LPP: variants seen among roughly 807,000 people sequenced by gnomAD.
LPP encodes the protein lipoma-preferred partner.
LPP carries 38 observed loss-of-function variants against 60.4 expected under a neutral mutation model. The ratio of observed to expected loss-of-function variants is 0.63; its 90% CI spans 0.49 to 0.83. The LOEUF is 0.83. Among genes scored for constraint, LPP ranks in the 40% least tolerant of loss-of-function variants. LPP has a pLI of 0.00. For missense variants in LPP, 902 were observed against 783.6 expected (o/e 1.15, Z -1.80); for synonymous variants, 328 against 290.8 (o/e 1.13, Z -1.30).
intron 6 of LPP, among the ~76,000 whole-genome samples, chr3:188,550,421 A>T (rs1827799052): frequency 2.0e-5 from 3 of 151,900 alleles, no homozygotes; most frequent in Non-Finnish European, 4.4e-5. Flanking sequence ...TACTAAAAAT[A>T]CAAAAATTTA....
chr3:188,457,824 G>A (rs779332562), intron 4 of LPP, among the ~76,000 whole-genome samples: 8 of 151,628 alleles, frequency 5.3e-5, no homozygotes, highest in South Asian at 2.1e-4. Flanking sequence ...CAGGAGAATC[G>A]CTTGAACCCA....
intron 4 of LPP, among the ~76,000 whole-genome samples, chr3:188,429,166 A>G (rs1260627716): frequency 2.0e-5 from 3 of 152,196 alleles, no homozygotes; most frequent in African/African-American, 7.2e-5. Flanking sequence ...CAGAAGAAAC[A>G]TTACATTATT....
In LPP at chr3:188,522,896, GTGTGTA is replaced by G. The variant is rs1185572445; in HGVS notation, c.307-1767_307-1762del. On this transcript the variant is annotated intron_variant, in intron 5 of 11. Transcript: ENST00000617246. ...GTTTGAGACATATATGTGTGTGTGT[GTGTGTA>G]TATACATATATGTATGTATGTTTGA... 1.0e-4 allele frequency among the ~76,000 whole-genome samples: 15 copies of G among 143,866 alleles called. No homozygotes were observed. The South Asian group carries it at 2.5e-3, about 24-fold the overall frequency. The allele number at this position is 143,866 out of a possible 152,430, so 94.4% of individuals were successfully genotyped here. A position where few individuals can be genotyped will look rare whatever the true frequency, so the allele number is the denominator to read the frequency against.
At chr3:188,549,466 A>C (rs1827503809) in intron 6 of LPP, among the ~76,000 whole-genome samples, 1 of 152,228 alleles carries the variant, frequency 6.6e-6, no homozygotes, top group Non-Finnish European at 1.5e-5. Flanking sequence ...AAAGGATGTT[A>C]GCATGACTGA....
intron 7 of LPP, among the ~76,000 whole-genome samples, chr3:188,630,437 A>T (rs1847654849): frequency 6.6e-6 from 1 of 152,222 alleles, no homozygotes; most frequent in Non-Finnish European, 1.5e-5. Flanking sequence ...ACCACTCAGA[A>T]TGGCTATTAT....
chr3:188,729,783 G>C (rs1240026239), intron 8 of LPP, among the ~76,000 whole-genome samples: 4 of 150,966 alleles, frequency 2.6e-5, no homozygotes, highest in Non-Finnish European at 5.9e-5. Context: ...TTCAAGACCA[G>C]CCTGGGCAAC....
At chr3:188,566,007 T>TA (rs1381109577) in intron 6 of LPP, among the ~76,000 whole-genome samples, 1 of 151,964 alleles carries the variant, frequency 6.6e-6, no homozygotes, top group Non-Finnish European at 1.5e-5. Context: ...GCTTTTAGTT[T>TA]AACCTGCGTG....
intron 3 of LPP, among the ~76,000 whole-genome samples, chr3:188,375,026 T>G (rs1217668367): frequency 6.6e-6 from 1 of 152,232 alleles, no homozygotes; most frequent in East Asian, 1.9e-4. Context: ...TTTGTGTATG[T>G]TGAACCAGCC....
intron 6 of LPP, among the ~76,000 whole-genome samples, chr3:188,564,369 G>A (rs1352391698): frequency 2.0e-5 from 3 of 151,908 alleles, no homozygotes; most frequent in Admixed American, 6.6e-5. Flanking sequence ...GCATCCTCAC[G>A]GATAATTCCC....
chr3:188,433,432 A>G (rs1390388178), intron 4 of LPP, among the ~76,000 whole-genome samples: 2 of 152,134 alleles, frequency 1.3e-5, no homozygotes, highest in African/African-American at 4.8e-5. Flanking sequence ...TAATCGGGTC[A>G]TAAGAGAAAG....
At chr3:188,820,265 T>C (rs1753601481) in intron 9 of LPP, among the ~76,000 whole-genome samples, 1 of 150,244 alleles carries the variant, frequency 6.7e-6, no homozygotes, top group African/African-American at 2.5e-5. Flanking sequence ...TCCTAGAAAC[T>C]GGTGTTTGTG....
At chr3:188,789,531 A>C (rs2150999161) in intron 9 of LPP, among the ~76,000 whole-genome samples, 1 of 152,324 alleles carries the variant, frequency 6.6e-6, no homozygotes, top group East Asian at 1.9e-4. Flanking sequence ...ATGATTCAAA[A>C]CATTCACGTA....
intron 7 of LPP, among the ~76,000 whole-genome samples, chr3:188,640,550 GAA>G (rs59702077): frequency 2.9e-5 from 4 of 137,142 alleles, no homozygotes; most frequent in African/African-American, 8.0e-5. Context: ...AGTTTGGGAC[GAA>G]AAAAAAAAAA....
intron 3 of LPP, among the ~76,000 whole-genome samples, chr3:188,374,855 G>T (rs1333555897): frequency 6.6e-6 from 1 of 151,994 alleles, no homozygotes; most frequent in Non-Finnish European, 1.5e-5. Flanking sequence ...GTCATAGATA[G>T]CTCTTATTAT....
chr3:188,384,483 A>T (rs1038350553), intron 3 of LPP, among the ~76,000 whole-genome samples: 2 of 152,096 alleles, frequency 1.3e-5, no homozygotes, highest in Non-Finnish European at 2.9e-5. Flanking sequence ...TCAGTTGTCT[A>T]GGTATTCAGA....
chr3:188,666,103 A>G (rs1248917393), intron 7 of LPP, among the ~76,000 whole-genome samples: 1 of 152,248 alleles, frequency 6.6e-6, no homozygotes, highest in Non-Finnish European at 1.5e-5. Flanking sequence ...GGACTGGCCA[A>G]TTCATTCATG....
At chr3:188,196,954 T>TTG in intron 1 of LPP, among the ~76,000 whole-genome samples, 1 of 152,348 alleles carries the variant, frequency 6.6e-6, no homozygotes. Context: ...CTGACTGTTA[T>TTG]TGTCTCTGCT....
intron 1 of LPP, among the ~76,000 whole-genome samples, chr3:188,215,614 C>G (rs916923512): frequency 6.6e-6 from 1 of 152,144 alleles, no homozygotes; most frequent in Non-Finnish European, 1.5e-5. Flanking sequence ...AGAATTTCTC[C>G]TTTTTAAGGG....
At chr3:188,277,308 T>C (rs6764874) in intron 2 of LPP, among the ~76,000 whole-genome samples, 110,409 of 152,042 alleles carry the variant, frequency 0.73, 41,281 homozygotes, top group African/African-American at 0.9. Context: ...ACCAGGATTC[T>C]GCTGAAGAAA....
Sources: gnomAD v4.1 joint callset for allele counts (sites outside exome capture counted in the v4.1 genomes callset) on GRCh38, gnomAD v4.1.1 for gene constraint, MANE v1.5 for transcripts, NCBI Gene and HGNC (gene_info 2026-07-23, HGNC 2026-07-21) for gene names.